The following GCLC variants were observed in gnomAD, a reference collection of about 807,000 sequenced individuals.
GCLC encodes glutamate--cysteine ligase catalytic subunit.
In GCLC, 30 loss-of-function variants were observed where a neutral mutation model predicts 81.5. That is an observed-to-expected ratio of 0.37 (90% CI 0.28 to 0.50). GCLC has a LOEUF of 0.50. GCLC is among the 20% of genes least tolerant of loss of function. The pLI, the probability that GCLC is intolerant of heterozygous loss-of-function variation, is 0.96. For synonymous variants in GCLC, 262 were observed against 273.3 expected (o/e 0.96, Z 0.41); for missense variants, 556 against 777.4 (o/e 0.72, Z 3.39).
Position 53,498,796 on chromosome 6 carries a change from T to C in GCLC, c.1874A>G (p.Lys625Arg), listed in dbSNP as rs371919046. Residue 625 changes from lysine to arginine, a missense_variant, in exon 16 of 16, where the codon AAA becomes AGA. This residue lies in a region of GCLC where 313 missense variants were observed against 437.3 expected (regional missense o/e 0.72). Coordinates refer to ENST00000650454, the MANE Select transcript of GCLC (RefSeq NM_001498.4). The part of the protein sequence containing the change: ...CPELLGSAFR[K>R]VKYSGSKTDS... Reference sequence around the variant, plus strand: ...AGTTTTACTTCCACTATATTTTACTTTCCTAAATGCTGATCCAAGTAACTC... The same window carrying C: ...AGTTTTACTTCCACTATATTTTACTCTCCTAAATGCTGATCCAAGTAACTC... The C allele has an allele frequency of 7.4e-6, 12 of 1,613,470 alleles. No homozygotes were observed. The African/African-American group carries it at 9.3e-5, about 13-fold the overall frequency.
At chr6:53,513,839 T>A in intron 6 of GCLC, 1 of 235,024 alleles carries the variant, frequency 4.3e-6, no homozygotes, top group Non-Finnish European at 8.4e-6. Flanking sequence ...ATTTTCAGAG[T>A]TTTGAACAAT....
chr6:53,497,822 A>T lies in GCLC; in HGVS notation c.*934T>A, dbSNP rs1362081215. On this transcript the variant is annotated 3_prime_UTR_variant, in exon 16 of 16. Transcript: ENST00000650454. ...ATTCCCCAGGTAAAATCTGGAGTGA[A>T]TGGCTTTTAGAGGAAAGTCTATCAG... is the stretch of plus-strand genomic sequence containing the variant. 1.3e-5 allele frequency: 2 copies of T among 152,618 alleles called. No homozygotes were observed. Among genetic ancestry groups the T allele is most frequent in the Non-Finnish European group, 2.9e-5 (2 of 68,034 alleles). The allele number at this position is 152,618 out of a possible 1,614,324, so 9.5% of individuals were successfully genotyped here. A position where few individuals can be genotyped will look rare whatever the true frequency, so the allele number is the denominator to read the frequency against.
chr6:53,514,099 C>T (rs1764810561), intron 6 of GCLC, 105 bp downstream of exon 6: 1 of 1,079,448 alleles, frequency 9.3e-7, no homozygotes, highest in Non-Finnish European at 1.4e-6. Context: ...ACCATTTCAA[C>T]CTCATTAAAA....
rs945459476 is a variant in GCLC, at chr6:53,498,178, T to C, written c.*578A>G. ...TGGGTATTTATTCAGAGGGGAAAGCTTGGGGCAAGGTGACCAAGTGATTAT... is the reference window on the plus strand; with the variant it reads ...TGGGTATTTATTCAGAGGGGAAAGCCTGGGGCAAGGTGACCAAGTGATTAT... On this transcript the variant is annotated 3_prime_UTR_variant, in exon 16 of 16. Coordinates refer to ENST00000650454, the MANE Select transcript of GCLC (RefSeq NM_001498.4). 1 of 151,092 alleles carries C rather than the reference T, an allele frequency of 6.6e-6. No individual in the cohort carries two copies. The highest frequency in any genetic ancestry group is 1.5e-5 in the Non-Finnish European group (1 of 68,054). The allele number at this position is 151,092 out of a possible 1,614,324, so 9.4% of individuals were successfully genotyped here.
At chr6:53,515,664 AAG>A (rs1764856159) in intron 4 of GCLC, among the ~76,000 whole-genome samples, 1 of 152,318 alleles carries the variant, frequency 6.6e-6, no homozygotes, top group African/African-American at 2.4e-5. Flanking sequence ...AAGTTAATGG[AAG>A]AGAGTGCCTA....
intron 3 of GCLC, among the ~76,000 whole-genome samples, chr6:53,516,889 A>G (rs1764884172): frequency 6.6e-6 from 1 of 152,116 alleles, no homozygotes; most frequent in Non-Finnish European, 1.5e-5. Context: ...TCCTAAGTGT[A>G]AAGCTCAAAT....
chr6:53,512,254 G>A (rs1764767750), intron 6 of GCLC, among the ~76,000 whole-genome samples: 1 of 152,048 alleles, frequency 6.6e-6, no homozygotes, highest in Non-Finnish European at 1.5e-5. Flanking sequence ...TGTGAACTTG[G>A]TGCTTTTTAA....
In GCLC at chr6:53,499,011, GT is replaced by G. The variant is rs17880610; in HGVS notation, c.1703-45del. The G allele has an allele frequency of 0.1, 113,777 of 1,104,738 alleles. 6,093 individuals carry two copies. The highest frequency in any genetic ancestry group is 0.15 in the South Asian group (11,674 of 75,456). The allele number at this position is 1,104,738 out of a possible 1,614,324, so 68.4% of individuals were successfully genotyped here. On this transcript the variant is annotated intron_variant, in intron 15 of 15. Coordinates refer to ENST00000650454, the MANE Select transcript of GCLC (RefSeq NM_001498.4). The stretch of plus-strand genomic sequence containing the variant: ...CGAAAAAAAAATTAAAACCACGTAA[GT>G]TTTTTTTTTAATAAGTTGATATTTA...
chr6:53,515,986 A>G, intron 4 of GCLC, 123 bp downstream of exon 4: 1 of 690,212 alleles, frequency 1.4e-6, no homozygotes, highest in Non-Finnish European at 2.7e-6. Flanking sequence ...TTCTCTGGTT[A>G]CTTAGGAAGA....
chr6:53,532,550 T>G (rs571166646), intron 1 of GCLC, among the ~76,000 whole-genome samples: 1 of 152,308 alleles, frequency 6.6e-6, no homozygotes, highest in South Asian at 2.1e-4. Context: ...TGCTGAAAAG[T>G]CTGCTGGAAA....
chr6:53,538,136 C>CTTTTTTTTTT (rs10588842), intron 1 of GCLC, among the ~76,000 whole-genome samples: 33 of 78,910 alleles, frequency 4.2e-4, no homozygotes, highest in Admixed American at 7.0e-4. Flanking sequence ...TTTTTCTTTC[C>CTTTTTTTTTT]TTTTTTTTTT....
chr6:53,515,109 G>C (rs1042079927), intron 4 of GCLC, among the ~76,000 whole-genome samples: 3 of 152,194 alleles, frequency 2.0e-5, no homozygotes, highest in African/African-American at 7.2e-5. Context: ...TGTGAGTAAA[G>C]GATTACATGG....
chr6:53,540,666 GCCAC>G (rs1490897717), intron 1 of GCLC, among the ~76,000 whole-genome samples: 129 of 108,250 alleles, frequency 1.2e-3, no homozygotes, highest in African/African-American at 4.9e-3. Context: ...TAAGTGTCTT[GCCAC>G]ACACACACAC....
chr6:53,517,978 C>A (rs1163096914), intron 3 of GCLC, among the ~76,000 whole-genome samples: 1 of 152,150 alleles, frequency 6.6e-6, no homozygotes, highest in African/African-American at 2.4e-5. Context: ...TATAAAGTCA[C>A]CCTGTTTACA....
intron 1 of GCLC, among the ~76,000 whole-genome samples, chr6:53,530,803 T>C (rs541129635): frequency 6.6e-6 from 1 of 152,190 alleles, no homozygotes; most frequent in Non-Finnish European, 1.5e-5. Flanking sequence ...GACATATTCA[T>C]ATTTTCATTA....
intron 1 of GCLC, among the ~76,000 whole-genome samples, chr6:53,540,295 T>C (rs942071415): frequency 1.7e-5 from 2 of 116,690 alleles, no homozygotes; most frequent in African/African-American, 3.4e-5. Flanking sequence ...ATGTGGTACA[T>C]ACAAGCAATG....
intron 1 of GCLC, among the ~76,000 whole-genome samples, chr6:53,531,629 C>T (rs1763173009): frequency 6.6e-6 from 1 of 152,224 alleles, no homozygotes; most frequent in African/African-American, 2.4e-5. Context: ...GCCTTTAAGA[C>T]ACTTTTGTTC....
intron 7 of GCLC, among the ~76,000 whole-genome samples, 153 bp from the exon 8 acceptor site, chr6:53,508,864 AG>A (rs1334970340): frequency 2.0e-5 from 3 of 152,224 alleles, no homozygotes; most frequent in Non-Finnish European, 4.4e-5. Flanking sequence ...GAAATATACC[AG>A]GAAGAATCCA....
At chr6:53,528,116 G>A (rs1353340266) in intron 1 of GCLC, among the ~76,000 whole-genome samples, 1 of 152,202 alleles carries the variant, frequency 6.6e-6, no homozygotes, top group Non-Finnish European at 1.5e-5. Context: ...CCAAAGAGGT[G>A]TTAGCCATAG....
Sources: gnomAD v4.1 joint callset for allele counts (sites outside exome capture counted in the v4.1 genomes callset) on GRCh38, gnomAD v4.1.1 for gene constraint, gnomAD v4.1.1 regional missense constraint, MANE v1.5 for transcripts, NCBI Gene and HGNC (gene_info 2026-07-23, HGNC 2026-07-21) for gene names.